The following ARPP21 variants were observed in gnomAD, a reference collection of about 807,000 sequenced individuals.
The protein encoded by ARPP21 is cAMP-regulated phosphoprotein 21.
Under a neutral mutation model 113.2 loss-of-function variants are expected in ARPP21, and 69 were observed. That is an observed-to-expected ratio of 0.61 (90% CI 0.50 to 0.74). The LOEUF is 0.74. Ranked by LOEUF, ARPP21 falls within the 30% of genes least tolerant of loss-of-function variation. The pLI, the probability that ARPP21 is intolerant of heterozygous loss-of-function variation, is 0.00. For synonymous variants in ARPP21, 368 were observed against 375.5 expected, an observed-to-expected ratio of 0.98 and a Z score of 0.23; for missense variants, 1,070 against 1,037.4, an observed-to-expected ratio of 1.03 and a Z score of -0.43.
chr3:35,728,215 CTTTT>C (rs775065085), intron 14 of ARPP21, among the ~76,000 whole-genome samples: 27 of 105,166 alleles, frequency 2.6e-4, no homozygotes, highest in Admixed American at 2.4e-3. Context: ...GATTCCTTGC[CTTTT>C]TTTTTTTTTT....
At chr3:35,687,387 A>G (rs538150122) in intron 5 of ARPP21, among the ~76,000 whole-genome samples, 2 of 151,108 alleles carry the variant, frequency 1.3e-5, no homozygotes, top group East Asian at 3.9e-4. Context: ...TTTTTTTAAT[A>G]CAATGGCTGT....
chr3:35,677,168 T>C (rs2149400997), intron 1 of ARPP21, among the ~76,000 whole-genome samples: 1 of 152,010 alleles, frequency 6.6e-6, no homozygotes, highest in East Asian at 1.9e-4. Context: ...TTGATAAAAA[T>C]TTACCTTTAA....
chr3:35,785,760 T>C (rs1230233294), intron 19 of ARPP21, among the ~76,000 whole-genome samples: 1 of 152,180 alleles, frequency 6.6e-6, no homozygotes, highest in African/African-American at 2.4e-5. Flanking sequence ...GAAAAACTAC[T>C]GCTTCAGGAA....
intron 17 of ARPP21, among the ~76,000 whole-genome samples, chr3:35,738,692 G>A (rs1330787026): frequency 6.6e-6 from 1 of 152,184 alleles, no homozygotes; most frequent in Non-Finnish European, 1.5e-5. Context: ...CTATGCTCCT[G>A]ATGTAGGTGC....
chr3:35,663,917 A>G (rs1470251992), intron 1 of ARPP21, among the ~76,000 whole-genome samples: 1 of 152,166 alleles, frequency 6.6e-6, no homozygotes, highest in Non-Finnish European at 1.5e-5. Flanking sequence ...GGCATTTAAC[A>G]TGTTTGCTTT....
intron 10 of ARPP21, among the ~76,000 whole-genome samples, chr3:35,707,839 C>G (rs1417119568): frequency 6.7e-6 from 1 of 149,652 alleles, no homozygotes. Flanking sequence ...TAGAAGAAAG[C>G]TAAGTAAATG....
intron 13 of ARPP21, among the ~76,000 whole-genome samples, chr3:35,718,504 A>G (rs1193854657): frequency 6.6e-6 from 1 of 152,126 alleles, no homozygotes; most frequent in Non-Finnish European, 1.5e-5. Flanking sequence ...CTTGTCCCCT[A>G]AAGGCCAGTT....
At chr3:35,762,778 G>A (rs1209267026) in intron 19 of ARPP21, among the ~76,000 whole-genome samples, 1 of 152,032 alleles carries the variant, frequency 6.6e-6, no homozygotes, top group Non-Finnish European at 1.5e-5. Flanking sequence ...CATATATTGA[G>A]GTTTTATAAA....
intron 19 of ARPP21, among the ~76,000 whole-genome samples, chr3:35,768,893 A>G (rs2096085650): frequency 6.6e-6 from 1 of 152,196 alleles, no homozygotes; most frequent in Non-Finnish European, 1.5e-5. Flanking sequence ...TAGTTTACTA[A>G]AGAATTAGAA....
At chr3:35,743,502 A>G (rs2094808960) in intron 18 of ARPP21, among the ~76,000 whole-genome samples, 1 of 152,188 alleles carries the variant, frequency 6.6e-6, no homozygotes, top group African/African-American at 2.4e-5. Context: ...TCTGCAGCAG[A>G]ATAGTCTAGA....
At chr3:35,669,143 T>TTCCTTCCC (rs2075695549) in intron 1 of ARPP21, among the ~76,000 whole-genome samples, 1 of 152,126 alleles carries the variant, frequency 6.6e-6, no homozygotes, top group African/African-American at 2.4e-5. Flanking sequence ...CCTTCTTTCC[T>TTCCTTCCC]TCCTTCCCTC....
chr3:35,792,369 CTT>C lies in ARPP21; in HGVS notation c.2138-10_2138-9del. Reference sequence around the variant, plus strand: ...TCTGCACAACCAGTTCAAAAGATCTCTTTTCTTCGCAGGTTACCAGCCAGTCT... The same window carrying C: ...TCTGCACAACCAGTTCAAAAGATCTCTTCTTCGCAGGTTACCAGCCAGTCT... On this transcript the variant is annotated splice_polypyrimidine_tract_variant and intron_variant, in intron 19 of 20. Transcript: ENST00000684406. 6.2e-7 allele frequency: 1 copy of C among 1,613,598 alleles called. No individual in the cohort carries two copies. The highest frequency in any genetic ancestry group is 8.5e-7 in the Non-Finnish European group (1 of 1,179,612).
chr3:35,656,198 T>C (rs1283974957), intron 1 of ARPP21, among the ~76,000 whole-genome samples: 1 of 152,052 alleles, frequency 6.6e-6, no homozygotes, highest in Non-Finnish European at 1.5e-5. Context: ...TACAAATTTC[T>C]CTCTAAGATT....
intron 9 of ARPP21, among the ~76,000 whole-genome samples, chr3:35,691,613 GT>G (rs766841048): frequency 6.6e-6 from 1 of 151,492 alleles, no homozygotes; most frequent in East Asian, 2.0e-4. Flanking sequence ...AGGATGACAA[GT>G]TTTTTCCCCC....
intron 1 of ARPP21, among the ~76,000 whole-genome samples, chr3:35,674,483 G>A (rs2077022643): frequency 6.6e-6 from 1 of 151,780 alleles, no homozygotes. Context: ...CCGTGTTTCA[G>A]CACCAATATG....
At chr3:35,733,411 C>T (rs931136192) in intron 15 of ARPP21, among the ~76,000 whole-genome samples, 3 of 152,120 alleles carry the variant, frequency 2.0e-5, no homozygotes, top group African/African-American at 7.2e-5. Context: ...TTCAAAGTGC[C>T]CCGGCTTATT....
intron 19 of ARPP21, among the ~76,000 whole-genome samples, chr3:35,752,804 G>A (rs555297421): frequency 1.3e-5 from 2 of 151,980 alleles, no homozygotes; most frequent in Non-Finnish European, 2.9e-5. Flanking sequence ...CAAAGGGAGA[G>A]GACCTACCCA....
chr3:35,685,788 A>G, intron 5 of ARPP21: 1 of 884,334 alleles, frequency 1.1e-6, no homozygotes, highest in Non-Finnish European at 1.4e-6. Flanking sequence ...CTGTTGTTGG[A>G]TATAAACTTA....
At chr3:35,659,895 G>T (rs1706881621) in intron 1 of ARPP21, among the ~76,000 whole-genome samples, 1 of 152,156 alleles carries the variant, frequency 6.6e-6, no homozygotes, top group South Asian at 2.1e-4. Context: ...AAAAGACATT[G>T]GTCCACAATG....
Sources: gnomAD v4.1 joint callset for allele counts (sites outside exome capture counted in the v4.1 genomes callset) on GRCh38, gnomAD v4.1.1 for gene constraint, MANE v1.5 for transcripts, NCBI Gene and HGNC (gene_info 2026-07-23, HGNC 2026-07-21) for gene names.